NUDCD1: variants seen among roughly 807,000 people sequenced by gnomAD.
The protein encoded by NUDCD1 is nudC domain-containing protein 1.
NUDCD1 carries 60 observed loss-of-function variants against 67.8 expected under a neutral mutation model. The ratio of observed to expected loss-of-function variants is 0.88; its 90% CI spans 0.72 to 1.10. The LOEUF (loss-of-function observed/expected upper bound fraction) is 1.10, where lower values mean the gene tolerates loss of function less well. Among genes scored for constraint, NUDCD1 ranks in the 50% least tolerant of loss-of-function variants. NUDCD1 has a pLI of 0.00. For missense variants in NUDCD1, 643 were observed against 695.0 expected (o/e 0.93, Z 0.84); for synonymous variants, 244 against 230.8 (o/e 1.06, Z -0.52).
chr8:109,321,875 TAAAG>T (rs1487521555), intron 2 of NUDCD1, among the ~76,000 whole-genome samples: 2 of 152,004 alleles, frequency 1.3e-5, no homozygotes, highest in African/African-American at 4.8e-5. Context: ...AACCTAGAGA[TAAAG>T]AGACATTTTA....
At chr8:109,250,408 C>T (rs187917209) in intron 8 of NUDCD1, among the ~76,000 whole-genome samples, 1 of 152,184 alleles carries the variant, frequency 6.6e-6, no homozygotes, top group Admixed American at 6.5e-5. Flanking sequence ...TAAGATAATG[C>T]CTAAAAGGTG....
At chr8:109,255,498 T>A (rs1466052290) in intron 8 of NUDCD1, among the ~76,000 whole-genome samples, 1 of 152,108 alleles carries the variant, frequency 6.6e-6, no homozygotes, top group Non-Finnish European at 1.5e-5. Flanking sequence ...CACATAACTA[T>A]TACTTAGAAA....
rs5893947 is a variant in NUDCD1, at chr8:109,242,786, C to CT, written c.*222dup. 9,998 of 273,976 alleles carry CT rather than the reference C, an allele frequency of 0.036. 299 individuals are homozygous for CT. The highest frequency in any genetic ancestry group is 0.12 in the African/African-American group (5,548 of 44,858). 17.0% of individuals were successfully genotyped at this position (273,976 alleles called of 1,614,324 possible). ...TATACTTGCTAGTACTATCTTCACT[C>CT]TTTTTTTTTTTCAGAAGCCAATGTT... On this transcript the variant is annotated 3_prime_UTR_variant, in exon 10 of 10. Coordinates refer to ENST00000239690, the MANE Select transcript of NUDCD1 (RefSeq NM_032869.4).
At chr8:109,329,956 T>C (rs1815768559) in intron 1 of NUDCD1, 10 of 1,445,890 alleles carry the variant, frequency 6.9e-6, no homozygotes, top group Non-Finnish European at 9.1e-6. Flanking sequence ...CAACGCATAA[T>C]ACAGATTCTA....
In NUDCD1 at chr8:109,245,335, A is replaced by C. The variant is rs1353465692; in HGVS notation, c.1446T>G (p.Thr482=). Residue 482 remains threonine, a synonymous_variant, in exon 9 of 10, where the codon ACT becomes ACG. Transcript: ENST00000239690. ...TTTGCTTTATACCTAAAGCATTGAAAGTTGCGATGTGCTCCCACATATCAT... is the reference window on the plus strand; with the variant it reads ...TTTGCTTTATACCTAAAGCATTGAACGTTGCGATGTGCTCCCACATATCAT... ...KQDDMWEHIA[T]FNALGYVQAS... 3 of 1,612,812 alleles carry C rather than the reference A, an allele frequency of 1.9e-6. No homozygotes were observed. Among genetic ancestry groups the C allele is most frequent in the African/African-American group, 2.7e-5 (2 of 74,884 alleles).
At chr8:109,266,702 TA>T (rs1394495448) in intron 8 of NUDCD1, among the ~76,000 whole-genome samples, 1 of 152,182 alleles carries the variant, frequency 6.6e-6, no homozygotes, top group Non-Finnish European at 1.5e-5. Context: ...CTCTTAGAAG[TA>T]AAAATAATTC....
intron 4 of NUDCD1, among the ~76,000 whole-genome samples, chr8:109,292,205 T>C (rs942206173): frequency 6.6e-6 from 1 of 152,180 alleles, no homozygotes; most frequent in African/African-American, 2.4e-5. Flanking sequence ...GATGCTTTTG[T>C]ACTGTGTTGG....
At chr8:109,285,281 C>T (rs1563671694) in intron 5 of NUDCD1, among the ~76,000 whole-genome samples, 1 of 128,138 alleles carries the variant, frequency 7.8e-6, no homozygotes, top group African/African-American at 2.6e-5. Context: ...CCAAAAAAAT[C>T]GAGAAGGAGG....
chr8:109,275,424 C>G lies in NUDCD1; in HGVS notation c.1101G>C (p.Gly367=), dbSNP rs1470673206. The G allele has an allele frequency of 1.2e-6, 2 of 1,613,680 alleles. No individual in the cohort carries two copies. Among genetic ancestry groups the G allele is most frequent in the Admixed American group, 3.3e-5 (2 of 59,992 alleles). ...WPELVIGDKQ[G]ELIRDSAQCA... Reference sequence around the variant, plus strand: ...ACTGGGCTGAATCTCTTATAAGTTCCCCTTGTTTATCTCCAATTACTAGCT... The same window carrying G: ...ACTGGGCTGAATCTCTTATAAGTTCGCCTTGTTTATCTCCAATTACTAGCT... Residue 367 remains glycine, a synonymous_variant, in exon 7 of 10, where the codon GGG becomes GGC. Coordinates refer to ENST00000239690, the MANE Select transcript of NUDCD1 (RefSeq NM_032869.4).
chr8:109,311,559 G>GTGTATATA lies in NUDCD1; in HGVS notation c.273+10749_273+10750insTATATACA. ...AATGAGTGGATAAAGAAACTGTGGT[G>GTGTATATA]TATATATATATATGATGGGATACTG... is the stretch of plus-strand genomic sequence containing the variant. On this transcript the variant is annotated intron_variant, in intron 2 of 9. Transcript: ENST00000239690. 2.4e-4 allele frequency among the ~76,000 whole-genome samples: 30 copies of GTGTATATA among 125,146 alleles called. 1 individual carries two copies. Among genetic ancestry groups the GTGTATATA allele is most frequent in the Admixed American group, 6.0e-4 (8 of 13,264 alleles). 82.1% of individuals were successfully genotyped at this position (125,146 alleles called of 152,430 possible).
chr8:109,297,698 C>CT (rs534926261), intron 2 of NUDCD1, among the ~76,000 whole-genome samples: 191 of 152,250 alleles, frequency 1.3e-3, no homozygotes, highest in African/African-American at 4.5e-3. Context: ...AATTTCTGTT[C>CT]TTTATAAATT....
intron 8 of NUDCD1, among the ~76,000 whole-genome samples, chr8:109,265,702 G>C (rs1340007754): frequency 6.6e-6 from 1 of 152,146 alleles, no homozygotes. Context: ...CAAAGGCAGG[G>C]GTGTGTGGGG....
chr8:109,249,898 T>C (rs927395506), intron 8 of NUDCD1, among the ~76,000 whole-genome samples: 9 of 151,064 alleles, frequency 6.0e-5, no homozygotes, highest in Non-Finnish European at 1.2e-4. Context: ...CAGGCTGGTG[T>C]CCAGTGGCAC....
intron 6 of NUDCD1, among the ~76,000 whole-genome samples, chr8:109,278,027 T>G (rs1814337957): frequency 6.6e-6 from 1 of 152,214 alleles, no homozygotes; most frequent in Non-Finnish European, 1.5e-5. Context: ...GCTCATGATT[T>G]AGACTTGTAT....
intron 6 of NUDCD1, among the ~76,000 whole-genome samples, chr8:109,276,444 G>C (rs750415761): frequency 2.0e-5 from 3 of 152,114 alleles, no homozygotes; most frequent in Non-Finnish European, 4.4e-5. Context: ...GAACACAACT[G>C]CAAGAATACA....
intron 5 of NUDCD1, among the ~76,000 whole-genome samples, chr8:109,288,170 T>C (rs1814619600): frequency 1.3e-5 from 2 of 152,106 alleles, no homozygotes; most frequent in East Asian, 1.9e-4. Context: ...AAATAAACAA[T>C]GAATTTGGAG....
chr8:109,291,647 G>C (rs1814714624), intron 4 of NUDCD1, among the ~76,000 whole-genome samples: 1 of 152,116 alleles, frequency 6.6e-6, no homozygotes, highest in East Asian at 1.9e-4. Flanking sequence ...TAGTCTGGGA[G>C]AGAAGGAACA....
At chr8:109,279,036 G>C (rs909607671) in intron 6 of NUDCD1, among the ~76,000 whole-genome samples, 7 of 152,058 alleles carry the variant, frequency 4.6e-5, no homozygotes, top group Non-Finnish European at 8.8e-5. Flanking sequence ...AAAATTAGCT[G>C]AGTGACTGTG....
At chr8:109,262,765 C>T (rs923651159) in intron 8 of NUDCD1, among the ~76,000 whole-genome samples, 2 of 151,892 alleles carry the variant, frequency 1.3e-5, no homozygotes, top group African/African-American at 4.8e-5. Flanking sequence ...TGCTATAAAA[C>T]CTGAATGTGG....
Sources: allele counts gnomAD v4.1 joint callset (sites outside exome capture counted in the v4.1 genomes callset), GRCh38; gene constraint gnomAD v4.1.1; transcripts MANE v1.5; gene names NCBI Gene and HGNC (gene_info 2026-07-23, HGNC 2026-07-21).